Variants in ANXA10 observed in about 807,000 individuals in gnomAD.
The protein encoded by ANXA10 is annexin 14.
In ANXA10, 49 loss-of-function variants were observed where a neutral mutation model predicts 53.5. The ratio of observed to expected loss-of-function variants is 0.92; its 90% confidence interval spans 0.73 to 1.16. The LOEUF is 1.16. ANXA10 is among the 50% of genes most tolerant of loss of function. ANXA10 has a pLI of 0.00. For synonymous variants in ANXA10, 131 were observed against 128.9 expected, an observed-to-expected ratio of 1.02 and a Z score of -0.11; for missense variants, 393 against 394.4, an observed-to-expected ratio of 1.00 and a Z score of 0.03.
intron 1 of ANXA10, among the ~76,000 whole-genome samples, chr4:168,093,669 T>G (rs1730496423): frequency 1.3e-5 from 2 of 152,108 alleles, no homozygotes; most frequent in Admixed American, 1.3e-4. Context: ...AGAGCGAGAC[T>G]CCATCTCAAA....
chr4:168,093,049 T>C (rs1730484964), intron 1 of ANXA10, among the ~76,000 whole-genome samples: 2 of 145,224 alleles, frequency 1.4e-5, no homozygotes, highest in African/African-American at 5.7e-5. Context: ...GGGTCTTCAA[T>C]ATAACTATTA....
At chr4:168,131,089 G>T (rs1205664819) in intron 2 of ANXA10, among the ~76,000 whole-genome samples, 5 of 151,746 alleles carry the variant, frequency 3.3e-5, no homozygotes, top group African/African-American at 1.2e-4. Context: ...TTAGATTCTT[G>T]ATTTCAGATT....
intron 1 of ANXA10, among the ~76,000 whole-genome samples, chr4:168,120,134 T>C (rs1730961306): frequency 6.6e-6 from 1 of 152,076 alleles, no homozygotes; most frequent in Admixed American, 6.5e-5. Context: ...ATTTATAAGT[T>C]TGGTGACTTA....
chr4:168,145,754 G>A (rs1455485168), intron 3 of ANXA10, among the ~76,000 whole-genome samples: 1 of 152,090 alleles, frequency 6.6e-6, no homozygotes, highest in Non-Finnish European at 1.5e-5. Flanking sequence ...ATATTTTCCA[G>A]GAACCGCTGA....
At chr4:168,167,091 T>C (rs540274194) in intron 6 of ANXA10, among the ~76,000 whole-genome samples, 1 of 152,272 alleles carries the variant, frequency 6.6e-6, no homozygotes, top group South Asian at 2.1e-4. Context: ...ATTGCTTCCA[T>C]GAGTTATTGG....
chr4:168,120,982 G>A lies in ANXA10; in HGVS notation c.19-7102G>A, dbSNP rs938905341. Among the ~76,000 whole-genome samples, 10 of 152,020 alleles carry A rather than the reference G, an allele frequency of 6.6e-5. No individual in the cohort carries two copies. In the South Asian group the frequency reaches 1.9e-3, roughly 28 times the overall value. ...TGGCCCATAAGGAAAAATTCATTTG[G>A]CCGTCTGCTTAAGTTTTTGGCACTT... On this transcript the variant is annotated intron_variant, in intron 1 of 11. Coordinates refer to ENST00000359299, the MANE Select transcript of ANXA10 (RefSeq NM_007193.5).
At chr4:168,155,987 ATTATACATAAT>A (rs1336284414) in intron 3 of ANXA10, among the ~76,000 whole-genome samples, 1 of 6,374 alleles carries the variant, frequency 1.6e-4, no homozygotes, top group African/African-American at 7.0e-4. Flanking sequence ...TATATCATAT[ATTATACATAAT>A]TTATATTATA....
At chr4:168,119,644 T>C (rs1396424612) in intron 1 of ANXA10, among the ~76,000 whole-genome samples, 1 of 152,132 alleles carries the variant, frequency 6.6e-6, no homozygotes, top group Non-Finnish European at 1.5e-5. Context: ...ATATATGAAA[T>C]ATTTTGAAAT....
chr4:168,140,100 A>T (rs1261576742), intron 3 of ANXA10, among the ~76,000 whole-genome samples: 1 of 152,244 alleles, frequency 6.6e-6, no homozygotes, highest in Non-Finnish European at 1.5e-5. Flanking sequence ...GTTTAAAAAT[A>T]GTTTAAGGCA....
intron 3 of ANXA10, among the ~76,000 whole-genome samples, chr4:168,154,080 T>G (rs1445672420): frequency 6.6e-6 from 1 of 152,028 alleles, no homozygotes; most frequent in African/African-American, 2.4e-5. Flanking sequence ...CTAATCTCAG[T>G]CTACAATTCA....
At chr4:168,145,798 A>T (rs1217698341) in intron 3 of ANXA10, among the ~76,000 whole-genome samples, 3 of 152,208 alleles carry the variant, frequency 2.0e-5, no homozygotes, top group African/African-American at 7.2e-5. Flanking sequence ...TAAGCTAAGT[A>T]GGCCAGATGA....
In ANXA10 at chr4:168,128,428, C is replaced by T. The variant is rs531400680; in HGVS notation, c.100+263C>T. 2.4e-4 allele frequency among the ~76,000 whole-genome samples: 37 copies of T among 152,248 alleles called. 1 individual carries two copies. The highest frequency in any genetic ancestry group is 4.4e-4 in the Non-Finnish European group (30 of 68,014). Reference sequence around the variant, plus strand: ...AAATCCATAAGTGCCTCATCACTAACTACTAAATGAAATCTCCACTAAAAC... The same window carrying T: ...AAATCCATAAGTGCCTCATCACTAATTACTAAATGAAATCTCCACTAAAAC... On this transcript the variant is annotated intron_variant, in intron 2 of 11. Transcript: ENST00000359299.
In ANXA10 at chr4:168,138,529, T is replaced by C. The variant is rs554307980; in HGVS notation, c.101-957T>C. On this transcript the variant is annotated intron_variant, in intron 2 of 11. Transcript: ENST00000359299. Reference sequence around the variant, plus strand: ...TATAGTGTGAAATCAGGTAATGTGATGACTTTGGCTTTGTTCTCTTTGTGT... The same window carrying C: ...TATAGTGTGAAATCAGGTAATGTGACGACTTTGGCTTTGTTCTCTTTGTGT... Among the ~76,000 whole-genome samples, 81 of 152,336 alleles carry C rather than the reference T, an allele frequency of 5.3e-4. 2 individuals are homozygous for C. The highest frequency in any genetic ancestry group is 4.2e-3 in the Admixed American group (64 of 15,304).
At chr4:168,184,504 G>A in intron 10 of ANXA10, 55 bp from the exon 11 acceptor site, 2 of 1,604,058 alleles carry the variant, frequency 1.2e-6, no homozygotes, top group Non-Finnish European at 1.7e-6. Flanking sequence ...ACTTGGGACA[G>A]ACTGACTTTT....
intron 2 of ANXA10, among the ~76,000 whole-genome samples, chr4:168,135,280 C>T (rs1731219176): frequency 6.6e-6 from 1 of 152,194 alleles, no homozygotes. Flanking sequence ...CCTGTCCTCA[C>T]ACAGACACTG....
At chr4:168,168,605 G>A (rs1731924552) in intron 6 of ANXA10, among the ~76,000 whole-genome samples, 2 of 152,058 alleles carry the variant, frequency 1.3e-5, no homozygotes, top group Admixed American at 6.6e-5. Context: ...ATTTTTAGTA[G>A]AGACGCGGTT....
intron 3 of ANXA10, among the ~76,000 whole-genome samples, chr4:168,155,836 CATATATAATATAATATAT>C (rs1731631722): frequency 4.1e-4 from 3 of 7,268 alleles, no homozygotes; most frequent in African/African-American, 1.5e-3. Flanking sequence ...TATGATATAT[CATATATAATATAATATAT>C]CATATATGAT....
At chr4:168,153,274 CA>C (rs1731528439) in intron 3 of ANXA10, among the ~76,000 whole-genome samples, 2 of 152,012 alleles carry the variant, frequency 1.3e-5, no homozygotes, top group Non-Finnish European at 2.9e-5. Context: ...TCGGATATAG[CA>C]GGGGTAACCA....
At chr4:168,128,776 C>G (rs1428094601) in intron 2 of ANXA10, among the ~76,000 whole-genome samples, 1 of 151,984 alleles carries the variant, frequency 6.6e-6, no homozygotes, top group Non-Finnish European at 1.5e-5. Flanking sequence ...CTCTCACTCC[C>G]CTAATCTCAT....
Sources: gnomAD v4.1 joint callset for allele counts (sites outside exome capture counted in the v4.1 genomes callset) on GRCh38, gnomAD v4.1.1 for gene constraint, MANE v1.5 for transcripts, NCBI Gene and HGNC (gene_info 2026-07-23, HGNC 2026-07-21) for gene names.